TTC39B: variants seen among roughly 807,000 people sequenced by gnomAD.
TTC39B encodes the protein tetratricopeptide repeat domain 39B.
A neutral mutation model predicts 96.6 loss-of-function variants in TTC39B; 92 were observed. The observed-to-expected ratio is 0.95, with a 90% confidence interval of 0.80 to 1.13. TTC39B has a LOEUF of 1.13. Ranked by LOEUF, TTC39B falls within the 50% of genes most tolerant of loss-of-function variation. The probability of loss-of-function intolerance (pLI) is 0.00; values close to 1 mark genes in which losing one functional copy is unlikely to be tolerated. For missense variants in TTC39B, 955 were observed against 809.3 expected, an observed-to-expected ratio of 1.18 and a Z score of -2.18; for synonymous variants, 367 against 299.4, an observed-to-expected ratio of 1.23 and a Z score of -2.33.
intron 3 of TTC39B, among the ~76,000 whole-genome samples, chr9:15,218,972 T>C (rs906366416): frequency 6.6e-6 from 1 of 152,162 alleles, no homozygotes; most frequent in African/African-American, 2.4e-5. Context: ...TACTCGCTTA[T>C]GTTAGACAGG....
chr9:15,280,121 C>A (rs541593242), intron 1 of TTC39B, among the ~76,000 whole-genome samples: 63 of 152,232 alleles, frequency 4.1e-4, no homozygotes, highest in Admixed American at 1.0e-3. Context: ...TGATCTTGAA[C>A]TCCTGGCCTC....
chr9:15,239,873 G>C (rs1206965117), intron 2 of TTC39B, among the ~76,000 whole-genome samples: 4 of 152,204 alleles, frequency 2.6e-5, no homozygotes, highest in African/African-American at 4.8e-5. Flanking sequence ...ATATACCCAT[G>C]TAACAGACAT....
At chr9:15,281,870 G>T (rs541909363) in intron 1 of TTC39B, among the ~76,000 whole-genome samples, 1 of 152,104 alleles carries the variant, frequency 6.6e-6, no homozygotes, top group South Asian at 2.1e-4. Context: ...TAGAGGTGGG[G>T]TTTCACTATG....
At chr9:15,240,868 T>C in intron 2 of TTC39B, among the ~76,000 whole-genome samples, 1 of 152,346 alleles carries the variant, frequency 6.6e-6, no homozygotes, top group African/African-American at 2.4e-5. Flanking sequence ...TTTCCTGCAT[T>C]GATAACATGC....
intron 1 of TTC39B, among the ~76,000 whole-genome samples, chr9:15,268,669 C>A (rs143693114): frequency 9.2e-5 from 14 of 152,244 alleles, no homozygotes; most frequent in Admixed American, 2.0e-4. Flanking sequence ...CCGGGGTCCA[C>A]CACAACCCAG....
At chr9:15,300,180 G>C (rs1158683268) in intron 1 of TTC39B, among the ~76,000 whole-genome samples, 1 of 152,124 alleles carries the variant, frequency 6.6e-6, no homozygotes, top group Non-Finnish European at 1.5e-5. Flanking sequence ...AAAATTCAGT[G>C]AGGCATAGGG....
chr9:15,269,203 C>T (rs939141572), intron 1 of TTC39B, among the ~76,000 whole-genome samples: 9 of 152,212 alleles, frequency 5.9e-5, no homozygotes, highest in African/African-American at 1.9e-4. Flanking sequence ...ACATAAAGTT[C>T]CTCATCATTT....
intron 1 of TTC39B, among the ~76,000 whole-genome samples, chr9:15,276,777 G>A (rs1184291437): frequency 6.6e-6 from 1 of 152,170 alleles, no homozygotes; most frequent in East Asian, 1.9e-4. Flanking sequence ...TCTACTTCCT[G>A]TTGTGTACAA....
At chr9:15,305,640 C>CA (rs1824730799) in intron 1 of TTC39B, among the ~76,000 whole-genome samples, 1 of 151,132 alleles carries the variant, frequency 6.6e-6, no homozygotes, top group Non-Finnish European at 1.5e-5. Context: ...ACCTAACTTC[C>CA]ACCCAGAGTT....
At chr9:15,232,196 G>T (rs1223469679) in intron 2 of TTC39B, 1 of 152,626 alleles carries the variant, frequency 6.6e-6, no homozygotes, top group Non-Finnish European at 1.5e-5. Context: ...TGCTTGTGCG[G>T]CAAATGGCTC....
chr9:15,179,049 ATTTTTTCACCACTT>A (rs1221098235), intron 17 of TTC39B, among the ~76,000 whole-genome samples: 1 of 152,094 alleles, frequency 6.6e-6, no homozygotes, highest in South Asian at 2.1e-4. Flanking sequence ...AATGTCAAGG[ATTTTTTCACCACTT>A]TTTCCCTTTT....
At chr9:15,188,466 AACAG>A (rs1818663300) in intron 13 of TTC39B, among the ~76,000 whole-genome samples, 1 of 152,230 alleles carries the variant, frequency 6.6e-6, no homozygotes, top group South Asian at 2.1e-4. Flanking sequence ...AGTTACAGGC[AACAG>A]ACAGGAAGAA....
intron 6 of TTC39B, among the ~76,000 whole-genome samples, chr9:15,205,906 G>A (rs1376424993): frequency 6.6e-6 from 1 of 152,158 alleles, no homozygotes; most frequent in Non-Finnish European, 1.5e-5. Flanking sequence ...GCCAGTCAAG[G>A]GAGGAGACAT....
chr9:15,305,172 C>T (rs1419141907), intron 1 of TTC39B, among the ~76,000 whole-genome samples: 1 of 152,168 alleles, frequency 6.6e-6, no homozygotes, highest in Non-Finnish European at 1.5e-5. Context: ...ACAAATAAAT[C>T]AAGGGTATCC....
chr9:15,169,528 C>T (rs570060106), exon 20 of TTC39B: 2 of 152,228 alleles, frequency 1.3e-5, no homozygotes, highest in Admixed American at 1.3e-4. Flanking sequence ...ATAAATGCCC[C>T]TCAAAAAACT....
At chr9:15,233,520 T>G (rs1821559535) in intron 2 of TTC39B, among the ~76,000 whole-genome samples, 2 of 150,082 alleles carry the variant, frequency 1.3e-5, no homozygotes, top group African/African-American at 4.9e-5. Context: ...CACGCCTGAC[T>G]GGTTTTCGTA....
chr9:15,229,988 C>T (rs561567505), intron 2 of TTC39B, among the ~76,000 whole-genome samples: 25 of 152,206 alleles, frequency 1.6e-4, no homozygotes, highest in Non-Finnish European at 3.2e-4. Context: ...GTCTTTATAA[C>T]ATTGCATCTT....
chr9:15,176,324 C>T (rs1304997176), intron 18 of TTC39B, among the ~76,000 whole-genome samples: 1 of 152,304 alleles, frequency 6.6e-6, no homozygotes, highest in African/African-American at 2.4e-5. Context: ...TTTGATCATC[C>T]TTTTAATCCT....
At chr9:15,211,700 G>GGGC (rs1820211357) in intron 4 of TTC39B, among the ~76,000 whole-genome samples, 1 of 152,194 alleles carries the variant, frequency 6.6e-6, no homozygotes, top group Non-Finnish European at 1.5e-5. Flanking sequence ...GTTGAAAAAG[G>GGGC]GGCAGCACAC....
Sources: gnomAD v4.1 joint callset for allele counts (sites outside exome capture counted in the v4.1 genomes callset) on GRCh38, gnomAD v4.1.1 for gene constraint, MANE v1.5 for transcripts, NCBI Gene and HGNC (gene_info 2026-07-23, HGNC 2026-07-21) for gene names.